EVI2A: variants seen among roughly 807,000 people sequenced by gnomAD.
The protein encoded by EVI2A is protein EVI2A.
A neutral mutation model predicts 13.0 loss-of-function variants in EVI2A; 11 were observed. That is an observed-to-expected ratio of 0.85 (90% CI 0.53 to 1.40). The LOEUF is 1.40. Among genes scored for constraint, EVI2A ranks in the 40% most tolerant of loss-of-function variants. The pLI is 0.00. For missense variants in EVI2A, 267 were observed against 279.5 expected (o/e 0.96, Z 0.32); for synonymous variants, 89 against 98.0 (o/e 0.91, Z 0.54).
intron 1 of EVI2A, chr17:31,320,492 G>T: frequency 7.0e-7 from 1 of 1,431,062 alleles, no homozygotes; most frequent in Non-Finnish European, 9.8e-7. Flanking sequence ...GTTGTTATAT[G>T]TCATTGGCTG....
Position 31,316,478 on chromosome 17 carries a change from G to C in EVI2A, c.*1825C>G, listed in dbSNP as rs1299230897. Among the ~76,000 whole-genome samples the C allele has an allele frequency of 1.3e-5, 2 of 152,116 alleles. No homozygotes were observed. The highest frequency in any genetic ancestry group is 2.9e-5 in the Non-Finnish European group (2 of 68,022). ...TCTCTGGTGAGAAAATGTTTGACCA[G>C]TATGTTGAATATGAAAGTAATTTCC... On this transcript the variant is annotated 3_prime_UTR_variant, in exon 2 of 2. Coordinates refer to ENST00000462804, the MANE Select transcript of EVI2A (RefSeq NM_014210.4).
chr17:31,318,690 C>T lies in EVI2A; in HGVS notation c.324G>A (p.Gln108=), dbSNP rs368589304. 13 of 1,613,972 alleles carry T rather than the reference C, an allele frequency of 8.1e-6. No individual in the cohort carries two copies. In the African/African-American group the frequency reaches 1.5e-4, roughly 18 times the overall value. The change falls in exon 2 of 2, where the codon CAG becomes CAA. Residue 108 remains glutamine (Q), a synonymous_variant. Coordinates refer to ENST00000462804, the MANE Select transcript of EVI2A (RefSeq NM_014210.4). ...GACTTTTGCTTGTGTTTTCAATGCT[C>T]TGTACTGTTGAAGGACTGTTGCTGA... The part of the protein sequence containing the change: ...SVVSNSPSTV[Q]SIENTSKSHG...
intron 1 of EVI2A, chr17:31,320,391 G>A (rs1199602787): frequency 8.1e-6 from 13 of 1,608,708 alleles, no homozygotes; most frequent in Non-Finnish European, 1.1e-5. Context: ...TATAGGTAGG[G>A]CCTGAAAGTC....
At position 31,318,700 on chromosome 17, in the gene EVI2A, G is replaced by A. The variant is rs2069094258; in HGVS notation, c.314C>T (p.Ser105Leu). ...TGTGTTTTCAATGCTCTGTACTGTTGAAGGACTGTTGCTGACGACAGAAGG... is the reference window on the plus strand; with the variant it reads ...TGTGTTTTCAATGCTCTGTACTGTTAAAGGACTGTTGCTGACGACAGAAGG... ...YIPSVVSNSP[S>L]TVQSIENTSK... The change falls in exon 2 of 2, where the codon TCA becomes TTA. Residue 105 changes from serine to leucine, a missense_variant. By Grantham distance (145) the Ser-to-Leu change is moderately radical (BLOSUM62 -2). Transcript: ENST00000462804. The A allele has an allele frequency of 6.2e-7, 1 of 1,613,952 alleles. No individual in the cohort carries two copies. The highest frequency in any genetic ancestry group is 1.7e-5 in the Admixed American group (1 of 59,984).
rs1335339919 is a variant in EVI2A at position 31,317,473 on chromosome 17, G to T, written c.*830C>A. On this transcript the variant is annotated 3_prime_UTR_variant, in exon 2 of 2. Transcript: ENST00000462804. ...AATTAATCAACCTTTGGTACTTGTT[G>T]TTAATGTTCCAGTAAGTAGTATTTA... The T allele has an allele frequency of 6.6e-6, 1 of 151,582 alleles. No homozygotes were observed. Among genetic ancestry groups the T allele is most frequent in the African/African-American group, 2.4e-5 (1 of 41,262 alleles). The allele number at this position is 151,582 out of a possible 1,614,324, so 9.4% of individuals were successfully genotyped here. A position where few individuals can be genotyped will look rare whatever the true frequency, so the allele number is the denominator to read the frequency against.
In EVI2A at chr17:31,317,902, A is replaced by G. The variant is rs943018834; in HGVS notation, c.*401T>C. ...GCATTAGGAATTTGACTTCCATTTG[A>G]TGTTAAAGCATATACTTGGCTTTAA... On this transcript the variant is annotated 3_prime_UTR_variant, in exon 2 of 2. Transcript: ENST00000462804. The G allele has an allele frequency of 1.3e-4, 22 of 171,080 alleles. No homozygotes were observed. The highest frequency in any genetic ancestry group is 2.5e-5 in the Non-Finnish European group (2 of 80,054). The allele number at this position is 171,080 out of a possible 1,614,324, so 10.6% of individuals were successfully genotyped here.
Position 31,318,440 on chromosome 17 carries a change from C to CA in EVI2A, c.573dup (p.Glu192Ter). 6.2e-7 allele frequency: 1 copy of CA among 1,613,964 alleles called. No homozygotes were observed. Among genetic ancestry groups the CA allele is most frequent in the Non-Finnish European group, 8.5e-7 (1 of 1,179,986 alleles). On this transcript the variant is annotated frameshift_variant, in exon 2 of 2. Transcript: ENST00000462804. LOFTEE classifies it high-confidence loss of function. Reference sequence around the variant, plus strand: ...TTTGTTCTTTTCCAAGTGTCTGATTCAGCGGGCCATAGACCGCTTGCCAGA... The same window carrying CA: ...TTTGTTCTTTTCCAAGTGTCTGATTCAAGCGGGCCATAGACCGCTTGCCAGA...
intron 1 of EVI2A, among the ~76,000 whole-genome samples, chr17:31,321,266 A>G (rs912957964): frequency 6.6e-6 from 1 of 152,218 alleles, no homozygotes; most frequent in Admixed American, 6.5e-5. Flanking sequence ...GAGGAAACCA[A>G]ACTTAGATCC....
chr17:31,318,501 T>C lies in EVI2A; in HGVS notation c.513A>G (p.Gln171=), dbSNP rs1295139079. The change falls in exon 2 of 2, where the codon CAA becomes CAG. Residue 171 remains glutamine, a synonymous_variant. Coordinates refer to ENST00000462804, the MANE Select transcript of EVI2A (RefSeq NM_014210.4). The stretch of plus-strand genomic sequence containing the variant: ...TGCTTCTAGGCTGACGCTTGCCTAC[T>C]TGTTTTGATCGTCTGAGAGAAGAGA... ...NKVSSLRRSK[Q]VGKRQPRSNG... 1.2e-6 allele frequency: 2 copies of C among 1,614,070 alleles called. No individual in the cohort carries two copies. Among genetic ancestry groups the C allele is most frequent in the Non-Finnish European group, 1.7e-6 (2 of 1,180,014 alleles).
chr17:31,321,012 G>A (rs947220651), intron 1 of EVI2A: 10 of 152,210 alleles, frequency 6.6e-5, no homozygotes, highest in African/African-American at 1.9e-4. Context: ...GTACTGCAGT[G>A]CCCAAATAAA....
At position 31,318,418 on chromosome 17, in the gene EVI2A, GTTCTTTTCCAAGT is replaced by G; in HGVS notation, c.583_595del (p.Thr195GlnfsTer9). On this transcript the variant is annotated frameshift_variant, in exon 2 of 2. Coordinates refer to ENST00000462804, the MANE Select transcript of EVI2A (RefSeq NM_014210.4). LOFTEE classifies it high-confidence loss of function. ...TAGGTTGGGTCCTGTGAGCTGTTTT[GTTCTTTTCCAAGT>G]GTCTGATTCAGCGGGCCATAGACCG... The G allele has an allele frequency of 6.2e-7, 1 of 1,613,944 alleles. No homozygotes were observed. The highest frequency in any genetic ancestry group is 8.5e-7 in the Non-Finnish European group (1 of 1,179,978).
In EVI2A at chr17:31,317,742, T is replaced by C. The variant is rs1021023028; in HGVS notation, c.*561A>G. 1 of 152,218 alleles carries C rather than the reference T, an allele frequency of 6.6e-6. No individual in the cohort carries two copies. Among genetic ancestry groups the C allele is most frequent in the African/African-American group, 2.4e-5 (1 of 41,448 alleles). 9.4% of individuals were successfully genotyped at this position (152,218 alleles called of 1,614,324 possible). A position where few individuals can be genotyped will look rare whatever the true frequency, so the allele number is the denominator to read the frequency against. The stretch of plus-strand genomic sequence containing the variant: ...TAATATTAATAGTAGAAAAACACTT[T>C]CTTACGTGTGCCATATGGAAAGATA... On this transcript the variant is annotated 3_prime_UTR_variant, in exon 2 of 2. Transcript: ENST00000462804.
In EVI2A at chr17:31,318,110, A is replaced by G; in HGVS notation, c.*193T>C. On this transcript the variant is annotated 3_prime_UTR_variant, in exon 2 of 2. Coordinates refer to ENST00000462804, the MANE Select transcript of EVI2A (RefSeq NM_014210.4). Reference sequence around the variant, plus strand: ...TTATTATTTGCTTTTTAAAATATTCAGTGTCAAAACAAAAGTACACAGTTT... The same window carrying G: ...TTATTATTTGCTTTTTAAAATATTCGGTGTCAAAACAAAAGTACACAGTTT... 1 of 588,036 alleles carries G rather than the reference A, an allele frequency of 1.7e-6. No individual in the cohort carries two copies. Among genetic ancestry groups the G allele is most frequent in the Non-Finnish European group, 2.7e-6 (1 of 365,838 alleles). 36.4% of individuals were successfully genotyped at this position (588,036 alleles called of 1,614,324 possible). A position where few individuals can be genotyped will look rare whatever the true frequency, so the allele number is the denominator to read the frequency against.
intron 1 of EVI2A, chr17:31,321,136 C>T (rs953625067): frequency 2.0e-5 from 3 of 152,140 alleles, no homozygotes; most frequent in African/African-American, 4.8e-5. Context: ...CAGAAGTTTT[C>T]TTATATCTGA....
intron 1 of EVI2A, among the ~76,000 whole-genome samples, chr17:31,319,423 T>C (rs1298813261): frequency 6.6e-6 from 1 of 151,986 alleles, no homozygotes; most frequent in African/African-American, 2.4e-5. Flanking sequence ...ACCCACCCTC[T>C]AACCTGTCAC....
At chr17:31,320,629 G>A (rs990842690) in intron 1 of EVI2A, 11 of 457,540 alleles carry the variant, frequency 2.4e-5, no homozygotes, top group African/African-American at 2.0e-4. Flanking sequence ...ATAGTAGGGA[G>A]GAAAAACTAT....
rs369826559 is a variant in EVI2A at position 31,318,895 on chromosome 17, G to A, written c.119C>T (p.Thr40Ile). The A allele has an allele frequency of 2.5e-6, 4 of 1,614,072 alleles. No homozygotes were observed. The African/African-American group carries it at 4.0e-5, about 16-fold the overall frequency. The change falls in exon 2 of 2, where the codon ACT (threonine) becomes ATT (isoleucine). Residue 40 changes from threonine (T) to isoleucine (I), a missense_variant. By Grantham distance (89) the Thr-to-Ile change is moderately conservative. Transcript: ENST00000462804. ...ANYTRLWANSTSSWDSVIQNK... is the reference protein window; with the variant it reads ...ANYTRLWANSISSWDSVIQNK... ...TTGAATAACTGAATCCCAGGAAGAA[G>A]TACTGTTAGCCCACAGACGGGTATA...
At position 31,318,155 on chromosome 17, in the gene EVI2A, CT is replaced by C. The variant is rs2151526092; in HGVS notation, c.*147del. The C allele has an allele frequency of 3.2e-6, 3 of 925,492 alleles. No individual in the cohort carries two copies. The South Asian group carries it at 5.5e-5, about 17-fold the overall frequency. The allele number at this position is 925,492 out of a possible 1,614,324, so 57.3% of individuals were successfully genotyped here. A position where few individuals can be genotyped will look rare whatever the true frequency, so the allele number is the denominator to read the frequency against. ...CAGTTTAAATAATTAAGCAGGCATA[CT>C]TCTCCCTGTCTCACCTGCTTGATTC... On this transcript the variant is annotated 3_prime_UTR_variant, in exon 2 of 2. Coordinates refer to ENST00000462804, the MANE Select transcript of EVI2A (RefSeq NM_014210.4).
intron 1 of EVI2A, among the ~76,000 whole-genome samples, chr17:31,319,837 A>G (rs898225793): frequency 2.6e-5 from 4 of 151,686 alleles, no homozygotes; most frequent in Admixed American, 2.0e-4. Context: ...TTAAAGCATC[A>G]TTTATACCTA....
Sources: allele counts gnomAD v4.1 joint callset (sites outside exome capture counted in the v4.1 genomes callset), GRCh38; gene constraint gnomAD v4.1.1; transcripts MANE v1.5; gene names NCBI Gene and HGNC (gene_info 2026-07-23, HGNC 2026-07-21).